The following KIF4A variants were observed in gnomAD, a reference collection of about 807,000 sequenced individuals.
The protein encoded by KIF4A is kinesin family member 4A, also known as chromosome-associated kinesin KIF4A.
A neutral mutation model predicts 105.9 loss-of-function variants in KIF4A; 7 were observed. The observed-to-expected ratio is 0.07, with a 90% CI of 0.04 to 0.12. The LOEUF is 0.12. Ranked by LOEUF, KIF4A falls within the 10% of genes least tolerant of loss-of-function variation. KIF4A has a pLI of 1.00. For missense variants in KIF4A, 558 were observed against 929.2 expected (o/e 0.60, Z 5.19); for synonymous variants, 281 against 331.3 (o/e 0.85, Z 1.65).
At chrX:70,417,783 T>TA in intron 28 of KIF4A, 105 bp from the exon 29 acceptor site, 1 of 561,425 alleles carries the variant, frequency 1.8e-6, no homozygotes, top group Non-Finnish European at 2.9e-6. Flanking sequence ...TAGATAATAG[T>TA]ACTTTCCATT....
chrX:70,396,246 T>C, intron 22 of KIF4A, 197 bp downstream of exon 22: 1 of 338,693 alleles, frequency 3.0e-6, no homozygotes, highest in Non-Finnish European at 5.1e-6. Context: ...ATGAGGTAAG[T>C]ATCATTCTTC....
chrX:70,378,016 T>C (rs907041677), intron 18 of KIF4A, among the ~76,000 whole-genome samples: 2 of 111,946 alleles, frequency 1.8e-5, no homozygotes, highest in African/African-American at 6.5e-5. Context: ...AAAAATAAAT[T>C]TAGGAAATTC....
At chrX:70,343,606 C>G in intron 11 of KIF4A, 97 bp from the exon 12 acceptor site, 2 of 730,197 alleles carry the variant, frequency 2.7e-6, no homozygotes, top group South Asian at 2.4e-5. Flanking sequence ...AAGGAGACAG[C>G]CTCTCTACCT....
chrX:70,367,019 T>C (rs1414218520), intron 15 of KIF4A, among the ~76,000 whole-genome samples: 2 of 111,971 alleles, frequency 1.8e-5, no homozygotes, highest in Admixed American at 9.5e-5. Context: ...CTTCCTTGTC[T>C]CTTTTGATCT....
At chrX:70,420,008 C>A in intron 30 of KIF4A, 54 bp from the exon 31 acceptor site, 3 of 1,125,243 alleles carry the variant, frequency 2.7e-6, no homozygotes, top group South Asian at 3.9e-5. Flanking sequence ...CTCGGCTGGG[C>A]TGAGCTTCTG....
intron 7 of KIF4A, among the ~76,000 whole-genome samples, chrX:70,303,124 G>A (rs2085811008): frequency 8.9e-6 from 1 of 111,903 alleles, no homozygotes; most frequent in African/African-American, 3.2e-5. Flanking sequence ...GGCTTCTAGT[G>A]CTTATTCTTC....
intron 15 of KIF4A, among the ~76,000 whole-genome samples, chrX:70,360,469 A>T (rs746059698): frequency 8.9e-6 from 1 of 112,668 alleles, no homozygotes; most frequent in South Asian, 3.7e-4. Context: ...CTACACATGG[A>T]GCGAGGAATG....
intron 7 of KIF4A, among the ~76,000 whole-genome samples, chrX:70,303,540 T>A (rs184763110): frequency 1.4e-4 from 16 of 112,111 alleles, no homozygotes; most frequent in Non-Finnish European, 1.1e-4. Flanking sequence ...TGCAGACCTG[T>A]TTCTTCCTCA....
intron 15 of KIF4A, 87 bp from the exon 16 acceptor site, chrX:70,374,064 T>C: frequency 2.1e-6 from 1 of 481,582 alleles, no homozygotes; most frequent in Non-Finnish European, 3.5e-6. Flanking sequence ...AATTAATGCA[T>C]AGTTCCTTGA....
At chrX:70,376,738 GA>G (rs1281060494) in intron 18 of KIF4A, among the ~76,000 whole-genome samples, 1 of 112,197 alleles carries the variant, frequency 8.9e-6, no homozygotes, top group Non-Finnish European at 1.9e-5. Context: ...CATTCCATTG[GA>G]AAGGCAAGTC....
rs764959976 is a variant in KIF4A, at chrX:70,365,936, A to G, written c.1675-8215A>G. ...CAATTTCAGATCCTGTTACTGGTCT[A>G]TTCAGAGATTCAACTTCTTCCTGGT... is the stretch of plus-strand genomic sequence containing the variant. On this transcript the variant is annotated intron_variant, in intron 15 of 30. Coordinates refer to ENST00000374403, the MANE Select transcript of KIF4A (RefSeq NM_012310.5). Among the ~76,000 whole-genome samples, 3 of 111,681 alleles carry G rather than the reference A, an allele frequency of 2.7e-5. No individual in the cohort carries two copies. In the South Asian group the frequency reaches 1.1e-3, roughly 43 times the overall value.
intron 7 of KIF4A, 51 bp from the exon 8 acceptor site, chrX:70,329,354 T>G (rs1195074210): frequency 9.9e-7 from 1 of 1,008,394 alleles, no homozygotes; most frequent in Admixed American, 2.2e-5. Context: ...GAAACATAGG[T>G]ATATGTTGGA....
chrX:70,369,003 G>A (rs1471308911), intron 15 of KIF4A, among the ~76,000 whole-genome samples: 1 of 112,365 alleles, frequency 8.9e-6, no homozygotes, highest in African/African-American at 3.2e-5. Context: ...TCAGACTGCT[G>A]TGCTAGCAAT....
intron 28 of KIF4A, among the ~76,000 whole-genome samples, chrX:70,417,256 A>G (rs1007150638): frequency 1.8e-5 from 2 of 112,442 alleles, no homozygotes; most frequent in African/African-American, 6.5e-5. Flanking sequence ...TAATCCCAGC[A>G]CTTTGGGAGG....
At chrX:70,419,976 G>T (rs1034849942) in intron 30 of KIF4A, 86 bp from the exon 31 acceptor site, 2 of 1,003,775 alleles carry the variant, frequency 2.0e-6, no homozygotes, top group African/African-American at 3.8e-5. Flanking sequence ...ACTACTGGGA[G>T]TATGTCGAGC....
At chrX:70,417,768 C>A in intron 28 of KIF4A, 120 bp from the exon 29 acceptor site, 2 of 477,212 alleles carry the variant, frequency 4.2e-6, no homozygotes, top group Non-Finnish European at 7.0e-6. Context: ...GAGATTGAAG[C>A]TTGGTAGATA....
At chrX:70,329,282 T>G in intron 7 of KIF4A, 123 bp from the exon 8 acceptor site, 1 of 648,192 alleles carries the variant, frequency 1.5e-6, no homozygotes, top group Non-Finnish European at 2.3e-6. Context: ...ATTAAGAAGT[T>G]TTCTCAAGAT....
intron 28 of KIF4A, among the ~76,000 whole-genome samples, chrX:70,414,345 C>T: frequency 1.8e-5 from 2 of 111,270 alleles, no homozygotes; most frequent in African/African-American, 6.5e-5. Flanking sequence ...AACTTAAAGG[C>T]TTGAATTTGA....
At chrX:70,410,547 C>CT (rs1269492513) in intron 28 of KIF4A, among the ~76,000 whole-genome samples, 1 of 111,972 alleles carries the variant, frequency 8.9e-6, no homozygotes, top group Non-Finnish European at 1.9e-5. Flanking sequence ...GGTCCCCAAT[C>CT]TTTTTGGTAC....
Sources: allele counts gnomAD v4.1 joint callset (sites outside exome capture counted in the v4.1 genomes callset), GRCh38; gene constraint gnomAD v4.1.1; transcripts MANE v1.5; gene names NCBI Gene and HGNC (gene_info 2026-07-23, HGNC 2026-07-21).